The following PHLPP2 variants were observed in gnomAD, a reference collection of about 807,000 sequenced individuals.
The protein encoded by PHLPP2 is PH domain leucine-rich repeat-containing protein phosphatase 2.
PHLPP2 carries 66 observed loss-of-function variants against 124.9 expected under a neutral mutation model. That is an observed-to-expected ratio of 0.53 (90% CI 0.43 to 0.65). The LOEUF (loss-of-function observed/expected upper bound fraction) is 0.65. PHLPP2 is among the 30% of genes least tolerant of loss of function. The probability of loss-of-function intolerance (pLI) is 0.00; values close to 1 mark genes in which losing one functional copy is unlikely to be tolerated. For synonymous variants in PHLPP2, 681 were observed against 624.7 expected (o/e 1.09, Z -1.34); for missense variants, 1,685 against 1,600.4 (o/e 1.05, Z -0.90).
At chr16:71,719,304 G>A (rs1418122197) in intron 1 of PHLPP2, among the ~76,000 whole-genome samples, 1 of 152,186 alleles carries the variant, frequency 6.6e-6, no homozygotes, top group East Asian at 1.9e-4. Flanking sequence ...GGAGGCTGAG[G>A]CGGGCAGGAT....
intron 4 of PHLPP2, among the ~76,000 whole-genome samples, chr16:71,685,099 G>A (rs545839853): frequency 3.0e-4 from 46 of 152,222 alleles, no homozygotes; most frequent in Non-Finnish European, 5.1e-4. Context: ...AGGCCGAGGC[G>A]GGCGGATCAC....
chr16:71,720,822 T>C (rs979110080), intron 1 of PHLPP2, among the ~76,000 whole-genome samples: 1 of 146,522 alleles, frequency 6.8e-6, no homozygotes, highest in East Asian at 2.0e-4. Flanking sequence ...GCCATTGCAC[T>C]CCAGCATGGG....
intron 8 of PHLPP2, chr16:71,677,236 T>C (rs1364361004): frequency 1.9e-5 from 3 of 155,276 alleles, no homozygotes; most frequent in Non-Finnish European, 4.3e-5. Context: ...AACACTTATA[T>C]CCAAATACCT....
At chr16:71,711,879 A>C (rs925119322) in intron 2 of PHLPP2, among the ~76,000 whole-genome samples, 2 of 152,234 alleles carry the variant, frequency 1.3e-5, no homozygotes, top group Non-Finnish European at 2.9e-5. Flanking sequence ...CAGATCTAAA[A>C]ACAATCTTGA....
chr16:71,682,923 C>A (rs2045016510), intron 5 of PHLPP2, among the ~76,000 whole-genome samples: 1 of 152,128 alleles, frequency 6.6e-6, no homozygotes, highest in Non-Finnish European at 1.5e-5. Context: ...CATAATCCAG[C>A]ACTGTGGGAG....
At chr16:71,703,309 T>C (rs1027177376) in intron 2 of PHLPP2, among the ~76,000 whole-genome samples, 8 of 152,230 alleles carry the variant, frequency 5.3e-5, no homozygotes, top group Non-Finnish European at 7.3e-5. Context: ...GTTATATCTA[T>C]TGATATTTAC....
At position 71,678,791 on chromosome 16, in the gene PHLPP2, A is replaced by C. The variant is rs763569571; in HGVS notation, c.1232T>G (p.Leu411Arg). 6.2e-7 allele frequency: 1 copy of C among 1,607,906 alleles called. No individual in the cohort carries two copies. The highest frequency in any genetic ancestry group is 1.3e-5 in the African/African-American group (1 of 74,938). Residue 411 changes from leucine to arginine, a missense_variant, in exon 8 of 19, where the codon CTG (leucine) becomes CGG (arginine). Coordinates refer to ENST00000568954, the MANE Select transcript of PHLPP2 (RefSeq NM_015020.3). ...NCLEVLNLGV[L>R]NRMNHIKHVD... ...ATGCTTGATATGGTTCATCCTATTC[A>C]GCACCCCTAAGTTCAGGACTTCCAG...
chr16:71,670,914 T>C (rs1050232209), intron 10 of PHLPP2, among the ~76,000 whole-genome samples: 2 of 152,036 alleles, frequency 1.3e-5, no homozygotes, highest in Admixed American at 6.6e-5. Flanking sequence ...TGAGGGAAAT[T>C]GCCCACAATG....
At chr16:71,681,305 G>C (rs1287544830) in intron 6 of PHLPP2, among the ~76,000 whole-genome samples, 2 of 152,180 alleles carry the variant, frequency 1.3e-5, no homozygotes, top group East Asian at 3.8e-4. Flanking sequence ...TCCTGTATTA[G>C]AACAGAGAAG....
intron 3 of PHLPP2, 79 bp from the exon 4 acceptor site, chr16:71,690,788 G>A (rs1186302387): frequency 5.1e-6 from 5 of 977,804 alleles, no homozygotes; most frequent in East Asian, 5.1e-5. Context: ...AGCATTGTGT[G>A]TCAACATTCA....
chr16:71,696,952 A>G (rs1236092247), intron 3 of PHLPP2, among the ~76,000 whole-genome samples: 1 of 152,022 alleles, frequency 6.6e-6, no homozygotes, highest in African/African-American at 2.4e-5. Context: ...AGGTAGGCGG[A>G]TGACTTGAGG....
intron 1 of PHLPP2, among the ~76,000 whole-genome samples, chr16:71,717,272 T>C (rs1397144575): frequency 6.6e-6 from 1 of 152,194 alleles, no homozygotes; most frequent in Non-Finnish European, 1.5e-5. Flanking sequence ...TTTCTAAAGA[T>C]GTCAGAGAAA....
intron 15 of PHLPP2, among the ~76,000 whole-genome samples, chr16:71,657,056 C>T (rs1347495587): frequency 2.6e-5 from 4 of 152,160 alleles, no homozygotes; most frequent in Middle Eastern, 3.4e-3. Context: ...GATTCTCCTG[C>T]CTCAACCTCC....
At chr16:71,673,136 C>A (rs992285572) in intron 9 of PHLPP2, among the ~76,000 whole-genome samples, 3 of 152,174 alleles carry the variant, frequency 2.0e-5, no homozygotes, top group African/African-American at 7.2e-5. Context: ...CTTTTCCAGT[C>A]TGCAGTTACT....
At chr16:71,688,548 A>G (rs1180258965) in intron 4 of PHLPP2, among the ~76,000 whole-genome samples, 2 of 146,676 alleles carry the variant, frequency 1.4e-5, no homozygotes, top group African/African-American at 2.5e-5. Flanking sequence ...ATCTGAAGTG[A>G]GTTTATCTTC....
chr16:71,666,270 C>T (rs1034366071), intron 12 of PHLPP2: 6 of 152,220 alleles, frequency 3.9e-5, no homozygotes, highest in African/African-American at 1.4e-4. Context: ...AATCCCAACA[C>T]TTTGAGAGGC....
intron 11 of PHLPP2, among the ~76,000 whole-genome samples, chr16:71,667,663 T>C (rs2044851188): frequency 6.6e-6 from 1 of 152,222 alleles, no homozygotes; most frequent in African/African-American, 2.4e-5. Context: ...TATATTAATA[T>C]TAACACATCT....
chr16:71,723,470 G>T, intron 1 of PHLPP2: 1 of 155,434 alleles, frequency 6.4e-6, no homozygotes, highest in Non-Finnish European at 1.4e-5. Context: ...GGGTCCGGGT[G>T]GGCGGCGGCT....
chr16:71,661,067 C>CTTT (rs34708544), intron 13 of PHLPP2, among the ~76,000 whole-genome samples: 1 of 132,302 alleles, frequency 7.6e-6, no homozygotes, highest in Non-Finnish European at 1.6e-5. Flanking sequence ...TTGTCTTTGT[C>CTTT]TTTTTTTTTT....
Sources: gnomAD v4.1 joint callset for allele counts (sites outside exome capture counted in the v4.1 genomes callset) on GRCh38, gnomAD v4.1.1 for gene constraint, MANE v1.5 for transcripts, NCBI Gene and HGNC (gene_info 2026-07-23, HGNC 2026-07-21) for gene names.